The following RPS6KC1 variants were observed in gnomAD, a reference collection of about 807,000 sequenced individuals.
RPS6KC1 encodes the protein ribosomal protein S6 kinase C1.
In RPS6KC1, 54 loss-of-function variants were observed where a neutral mutation model predicts 103.8. That is an observed-to-expected ratio of 0.52 (90% CI 0.42 to 0.65). The LOEUF (loss-of-function observed/expected upper bound fraction) is 0.65. Among genes scored for constraint, RPS6KC1 ranks in the 30% least tolerant of loss-of-function variants. RPS6KC1 has a pLI of 0.00. For missense variants in RPS6KC1, 1,151 were observed against 1,253.8 expected (o/e 0.92, Z 1.24); for synonymous variants, 439 against 438.7 (o/e 1.00, Z -0.01).
rs560825127 is a variant in RPS6KC1, at chr1:213,079,788, C to T, written c.262+1972C>T. ...CACAAAGGTAGTATTGAAGAATGCA[C>T]GATAAAAACAAGTTTCCTGCTCCTT... On this transcript the variant is annotated intron_variant, in intron 3 of 14. Transcript: ENST00000366960. Among the ~76,000 whole-genome samples, 7 of 151,704 alleles carry T rather than the reference C, an allele frequency of 4.6e-5. No homozygotes were observed. In the South Asian group the frequency reaches 1.0e-3, roughly 23 times the overall value.
At chr1:213,099,269 C>T (rs1328532860) in intron 3 of RPS6KC1, among the ~76,000 whole-genome samples, 3 of 151,978 alleles carry the variant, frequency 2.0e-5, no homozygotes, top group Non-Finnish European at 2.9e-5. Context: ...ATTTATGCTA[C>T]GAGTACTATT....
the RPS6KC1 span, among the ~76,000 whole-genome samples, chr1:213,448,067 C>T: frequency 6.6e-6 from 1 of 151,416 alleles, no homozygotes; most frequent in Non-Finnish European, 1.5e-5. Flanking sequence ...ACTCCCATCT[C>T]TACAAAAGAA....
At chr1:213,357,335 A>G in the RPS6KC1 span, among the ~76,000 whole-genome samples, 1 of 152,154 alleles carries the variant, frequency 6.6e-6, no homozygotes, top group Non-Finnish European at 1.5e-5. Flanking sequence ...AGCTTTTCTC[A>G]GATCCCTCAG....
chr1:213,499,070 G>A, the RPS6KC1 span, among the ~76,000 whole-genome samples: 3 of 152,246 alleles, frequency 2.0e-5, no homozygotes, highest in Admixed American at 6.5e-5. Context: ...ATGAGTCACC[G>A]TGCCCGGCCA....
the RPS6KC1 span, among the ~76,000 whole-genome samples, chr1:213,528,114 AC>A: frequency 1.3e-5 from 2 of 152,134 alleles, no homozygotes; most frequent in South Asian, 4.2e-4. Flanking sequence ...AAGCTGTTGT[AC>A]TAGTCCGTTC....
the RPS6KC1 span, among the ~76,000 whole-genome samples, chr1:213,378,951 A>G: frequency 6.6e-6 from 1 of 152,150 alleles, no homozygotes; most frequent in Non-Finnish European, 1.5e-5. Context: ...TGGCTCATCA[A>G]GAGAAGGCTG....
the RPS6KC1 span, among the ~76,000 whole-genome samples, chr1:213,292,914 G>A: frequency 6.6e-6 from 1 of 152,170 alleles, no homozygotes; most frequent in African/African-American, 2.4e-5. Flanking sequence ...TTAAAATCAG[G>A]CAGACCTCCT....
the RPS6KC1 span, among the ~76,000 whole-genome samples, chr1:213,422,405 A>C: frequency 6.6e-6 from 1 of 152,208 alleles, no homozygotes; most frequent in Non-Finnish European, 1.5e-5. Context: ...CTGTCAATGA[A>C]TATCTGGTTT....
the RPS6KC1 span, among the ~76,000 whole-genome samples, chr1:213,476,683 A>G: frequency 6.6e-6 from 1 of 152,136 alleles, no homozygotes. Context: ...AAGCTGGAGG[A>G]ATGTGCTTTG....
At chr1:213,120,954 G>A (rs927806093) in intron 5 of RPS6KC1, among the ~76,000 whole-genome samples, 1 of 152,096 alleles carries the variant, frequency 6.6e-6, no homozygotes, top group Non-Finnish European at 1.5e-5. Context: ...CGATCTGGGT[G>A]TCTGTTTATT....
the RPS6KC1 span, among the ~76,000 whole-genome samples, chr1:213,350,681 C>T: frequency 3.3e-5 from 5 of 152,096 alleles, no homozygotes; most frequent in South Asian, 2.1e-4. Context: ...AAAAGTAATA[C>T]GTATTCATTA....
the RPS6KC1 span, among the ~76,000 whole-genome samples, chr1:213,789,843 G>A: frequency 6.6e-6 from 1 of 152,156 alleles, no homozygotes; most frequent in African/African-American, 2.4e-5. Flanking sequence ...CTGTACTGGA[G>A]ACTTTTGAAT....
chr1:213,612,199 T>G, the RPS6KC1 span, among the ~76,000 whole-genome samples: 6 of 152,218 alleles, frequency 3.9e-5, no homozygotes. Context: ...CCCAGCAATG[T>G]GTGTTTAACA....
chr1:213,201,704 T>C (rs904639637), intron 8 of RPS6KC1, among the ~76,000 whole-genome samples: 2 of 152,246 alleles, frequency 1.3e-5, no homozygotes, highest in African/African-American at 4.8e-5. Context: ...CTTTTTATTT[T>C]CTGCTCACCA....
At chr1:213,076,475 C>T (rs2079348459) in intron 2 of RPS6KC1, among the ~76,000 whole-genome samples, 1 of 152,070 alleles carries the variant, frequency 6.6e-6, no homozygotes. Context: ...TTTGTTAGAA[C>T]TGAGATGATT....
the RPS6KC1 span, among the ~76,000 whole-genome samples, chr1:213,420,889 G>A: frequency 4.6e-5 from 7 of 152,094 alleles, no homozygotes; most frequent in Non-Finnish European, 7.3e-5. Context: ...CTGGCTTCTG[G>A]TGCTTCCTTG....
the RPS6KC1 span, among the ~76,000 whole-genome samples, chr1:213,491,649 G>A: frequency 3.3e-5 from 5 of 152,198 alleles, no homozygotes; most frequent in Admixed American, 2.0e-4. Context: ...CAGAGCTGGC[G>A]AACAGGTGAC....
chr1:213,220,310 C>CA (rs1171368141), intron 8 of RPS6KC1, among the ~76,000 whole-genome samples: 1 of 152,040 alleles, frequency 6.6e-6, no homozygotes, highest in Non-Finnish European at 1.5e-5. Context: ...AGAATTAACA[C>CA]AAAAAAATTG....
At chr1:213,675,279 G>A in the RPS6KC1 span, among the ~76,000 whole-genome samples, 1 of 152,146 alleles carries the variant, frequency 6.6e-6, no homozygotes, top group Non-Finnish European at 1.5e-5. Context: ...TCTAATTGTT[G>A]GTTATCATTC....
Sources: gnomAD v4.1 joint callset for allele counts (sites outside exome capture counted in the v4.1 genomes callset) on GRCh38, gnomAD v4.1.1 for gene constraint, MANE v1.5 for transcripts, NCBI Gene and HGNC (gene_info 2026-07-23, HGNC 2026-07-21) for gene names.